ANKRD28: variants seen among roughly 807,000 people sequenced by gnomAD.
ANKRD28 encodes the protein ankyrin repeat domain 28, also known as serine/threonine-protein phosphatase 6 regulatory ankyrin repeat subunit A.
Under a neutral mutation model 126.5 loss-of-function variants are expected in ANKRD28, and 44 were observed. The ratio of observed to expected loss-of-function variants is 0.35; its 90% CI spans 0.27 to 0.45. The LOEUF (loss-of-function observed/expected upper bound fraction) is 0.45. Ranked by LOEUF, ANKRD28 falls within the 20% of genes least tolerant of loss-of-function variation. ANKRD28 has a pLI of 1.00. For missense variants in ANKRD28, 1,110 were observed against 1,316.6 expected (o/e 0.84, Z 2.43); for synonymous variants, 442 against 468.5 (o/e 0.94, Z 0.73).
intron 21 of ANKRD28, among the ~76,000 whole-genome samples, chr3:15,683,553 A>G (rs1158982020): frequency 6.6e-6 from 1 of 152,232 alleles, no homozygotes; most frequent in Admixed American, 6.5e-5. Context: ...AGACTAAACT[A>G]GCTTGTTCAA....
At position 15,685,206 on chromosome 3, in the gene ANKRD28, T is replaced by C. The variant is rs766343422; in HGVS notation, c.2389+20A>G. ...TCTGTTCACTACACAATGATATGCA[T>C]TTGTGTTTGTATACTTAACCATTGT... On this transcript the variant is annotated intron_variant, in intron 21 of 27. Coordinates refer to ENST00000683139, the MANE Select transcript of ANKRD28 (RefSeq NM_001349278.2). 1 of 1,599,738 alleles carries C rather than the reference T, an allele frequency of 6.3e-7. No individual in the cohort carries two copies. Among genetic ancestry groups the C allele is most frequent in the African/African-American group, 1.3e-5 (1 of 74,658 alleles).
Position 15,707,927 on chromosome 3 carries a change from C to A in ANKRD28, c.1544G>T (p.Gly515Val). The A allele has an allele frequency of 1.2e-6, 2 of 1,612,556 alleles. No homozygotes were observed. The change falls in exon 14 of 28, where the codon GGC becomes GTC. Residue 515 changes from glycine to valine, a missense_variant. Transcript: ENST00000683139. Reference sequence around the variant, plus strand: ...CTCTCACTCCTATGGTACTTACTTGCCATCTGTGTCTGATGTAGCTGCATA... The same window carrying A: ...CTCTCACTCCTATGGTACTTACTTGACATCTGTGTCTGATGTAGCTGCATA... ...LHYAATSDTD[G>V]KCLEYLLRND...
At chr3:15,820,228 T>G (rs1431623959) in intron 1 of ANKRD28, among the ~76,000 whole-genome samples, 1 of 152,132 alleles carries the variant, frequency 6.6e-6, no homozygotes, top group African/African-American at 2.4e-5. Context: ...TGTATGTGTG[T>G]ATATATATGC....
intron 6 of ANKRD28, chr3:15,732,242 G>C (rs1365475465): frequency 2.0e-5 from 3 of 152,280 alleles, no homozygotes; most frequent in East Asian, 3.8e-4. Context: ...TGAAAGGGGA[G>C]GGGGAGAATG....
intron 1 of ANKRD28, among the ~76,000 whole-genome samples, chr3:15,858,707 C>T (rs1363038250): frequency 2.0e-5 from 3 of 152,182 alleles, no homozygotes; most frequent in Admixed American, 1.3e-4. Context: ...CCTTATTACC[C>T]ATCTTTCCAA....
chr3:15,821,799 ATGGACCTTATTC>A (rs1256813957), intron 1 of ANKRD28, among the ~76,000 whole-genome samples: 7 of 152,102 alleles, frequency 4.6e-5, no homozygotes, highest in African/African-American at 1.7e-4. Flanking sequence ...ATAAACTAAT[ATGGACCTTATTC>A]TCAAAAAACT....
At chr3:15,744,831 A>G (rs1225092856) in intron 4 of ANKRD28, among the ~76,000 whole-genome samples, 1 of 152,028 alleles carries the variant, frequency 6.6e-6, no homozygotes, top group Non-Finnish European at 1.5e-5. Flanking sequence ...GTTTTCCATA[A>G]TGGTTGTACT....
At chr3:15,799,769 C>A (rs114078446), upstream of ANKRD28, among the ~76,000 whole-genome samples, 1 of 151,950 alleles carries the variant, frequency 6.6e-6, no homozygotes, top group African/African-American at 2.4e-5. Flanking sequence ...TCTAAGTCAA[C>A]CTCCACACTT....
intron 1 of ANKRD28, among the ~76,000 whole-genome samples, chr3:15,811,579 A>G (rs1035915614): frequency 2.0e-5 from 3 of 151,922 alleles, no homozygotes; most frequent in Admixed American, 2.0e-4. Flanking sequence ...CTCAGCCTCC[A>G]GAGGAGCTGG....
chr3:15,815,617 A>C lies in ANKRD28; in HGVS notation c.28-20311T>G, dbSNP rs1316323357. Among the ~76,000 whole-genome samples the C allele has an allele frequency of 6.6e-6, 1 of 152,168 alleles. No homozygotes were observed. Among genetic ancestry groups the C allele is most frequent in the Admixed American group, 6.5e-5 (1 of 15,274 alleles). On this transcript the variant is annotated intron_variant, in intron 1 of 27. Coordinates refer to the ANKRD28 transcript ENST00000399451. This position sits in a 1 kb window ranked among gnomAD's most constrained non-coding sequence, Gnocchi z 4.1. ...CACCCACACACTTCTTATTGTTCTGAAAGAATCGTCATCAATGCTATGACA... is the reference window on the plus strand; with the variant it reads ...CACCCACACACTTCTTATTGTTCTGCAAGAATCGTCATCAATGCTATGACA...
rs1006447964 is a variant in ANKRD28, at chr3:15,833,916, T to C, written c.27+25461A>G. Among the ~76,000 whole-genome samples the C allele has an allele frequency of 6.6e-6, 1 of 152,154 alleles. No individual in the cohort carries two copies. The highest frequency in any genetic ancestry group is 1.5e-5 in the Non-Finnish European group (1 of 68,034). ...TTTTGGAAAATGTCTGTTTGTGTTATTTGCCCATTTTTTAATGTTTGTTTT... is the reference window on the plus strand; with the variant it reads ...TTTTGGAAAATGTCTGTTTGTGTTACTTGCCCATTTTTTAATGTTTGTTTT... On this transcript the variant is annotated intron_variant, in intron 1 of 27. Coordinates refer to the ANKRD28 transcript ENST00000399451. This position sits in a 1 kb window ranked among gnomAD's most constrained non-coding sequence, Gnocchi z 4.4.
rs938277823 is a variant in ANKRD28, at chr3:15,797,730, T to C, written c.-1209A>G. ...TCAGTCATCTGCCTCTTTGCCAATA[T>C]AGTTTCCTTCCACTGTGAAAACCGC... On this transcript the variant is annotated 5_prime_UTR_variant, in exon 1 of 28. Coordinates refer to ENST00000683139, the MANE Select transcript of ANKRD28 (RefSeq NM_001349278.2). The C allele has an allele frequency of 2.0e-6, 2 of 985,322 alleles. No individual in the cohort carries two copies. Among genetic ancestry groups the C allele is most frequent in the Non-Finnish European group, 2.4e-6 (2 of 829,940 alleles). 61.0% of individuals were successfully genotyped at this position (985,322 alleles called of 1,614,324 possible). A position where few individuals can be genotyped will look rare whatever the true frequency, so the allele number is the denominator to read the frequency against.
At position 15,686,017 on chromosome 3, in the gene ANKRD28, T is replaced by C. The variant is rs1417944396; in HGVS notation, c.2154A>G (p.Thr718=). ...TTCTGCTTACCCCTCTATGCAACGC[T>C]GTCCTTCCCCACTTATCTTTGGCAT... is the stretch of plus-strand genomic sequence containing the variant. The part of the protein sequence containing the change: ...NVDAKDKWGR[T]ALHRGAVTGH... The change falls in exon 20 of 28, where the codon ACA becomes ACG. Residue 718 remains threonine (T), a synonymous_variant. Transcript: ENST00000683139. 3 of 1,613,422 alleles carry C rather than the reference T, an allele frequency of 1.9e-6. No individual in the cohort carries two copies. The highest frequency in any genetic ancestry group is 2.5e-6 in the Non-Finnish European group (3 of 1,179,730).
At chr3:15,726,956 ATC>A in intron 6 of ANKRD28, among the ~76,000 whole-genome samples, 1 of 152,228 alleles carries the variant, frequency 6.6e-6, no homozygotes, top group Non-Finnish European at 1.5e-5. Context: ...ATGACAACAC[ATC>A]TGTTTATAAC....
intron 1 of ANKRD28, among the ~76,000 whole-genome samples, chr3:15,821,637 C>G (rs1443973413): frequency 6.6e-6 from 1 of 152,116 alleles, no homozygotes; most frequent in Non-Finnish European, 1.5e-5. Context: ...AACCTTATAA[C>G]AACCAGAGGA....
In ANKRD28 at chr3:15,711,200, T is replaced by C. The variant is rs368471964; in HGVS notation, c.1337+11A>G. On this transcript the variant is annotated intron_variant, in intron 12 of 27. Transcript: ENST00000683139. ...TCTTTTCTTAAAGAAATAAAAATAC[T>C]ATTAACATACCCTCCAGCTGCAGCT... 3.1e-6 allele frequency: 5 copies of C among 1,604,200 alleles called. No individual in the cohort carries two copies. In the African/African-American group the frequency reaches 5.4e-5, roughly 17 times the overall value.
chr3:15,729,533 T>G (rs141325393), intron 6 of ANKRD28, among the ~76,000 whole-genome samples: 106 of 152,326 alleles, frequency 7.0e-4, no homozygotes, highest in African/African-American at 2.5e-3. Context: ...GCTGTTCTAC[T>G]TCTTGATATG....
chr3:15,857,228 A>T (rs1401765342), intron 1 of ANKRD28, among the ~76,000 whole-genome samples: 1 of 152,226 alleles, frequency 6.6e-6, no homozygotes, highest in Non-Finnish European at 1.5e-5. Flanking sequence ...ATTACTCAGT[A>T]GTTTAGAGGA....
chr3:15,765,479 C>T (rs768591139), intron 3 of ANKRD28, among the ~76,000 whole-genome samples: 5 of 152,084 alleles, frequency 3.3e-5, no homozygotes, highest in African/African-American at 4.8e-5. Flanking sequence ...CCGTTACCTC[C>T]ACCTAGGAGA....
Sources: gnomAD v4.1 joint callset for allele counts (sites outside exome capture counted in the v4.1 genomes callset) on GRCh38, gnomAD v4.1.1 for gene constraint, Gnocchi (gnomAD v3.1) non-coding constraint, MANE v1.5 for transcripts, NCBI Gene and HGNC (gene_info 2026-07-23, HGNC 2026-07-21) for gene names.